Variants in AHNAK observed in about 807,000 individuals in gnomAD.
AHNAK encodes neuroblast differentiation-associated protein AHNAK.
AHNAK carries 23 observed loss-of-function variants against 37.8 expected under a neutral mutation model. The observed-to-expected ratio is 0.61, with a 90% CI of 0.44 to 0.86. The LOEUF is 0.86. Among genes scored for constraint, AHNAK ranks in the 40% least tolerant of loss-of-function variants. AHNAK has a pLI of 0.00. For missense variants in AHNAK, 7,411 were observed against 7,319.4 expected (o/e 1.01, Z -0.46); for synonymous variants, 2,481 against 2,636.3 (o/e 0.94, Z 1.80).
chr11:62,490,200 T>TC (rs1278989564), intron 5 of AHNAK, among the ~76,000 whole-genome samples: 1 of 138,040 alleles, frequency 7.2e-6, no homozygotes, highest in Non-Finnish European at 1.6e-5. Flanking sequence ...TCTTTTTCTT[T>TC]TTTTTTTTTT....
chr11:62,496,681 G>C (rs1217803453), intron 4 of AHNAK, among the ~76,000 whole-genome samples: 1 of 152,090 alleles, frequency 6.6e-6, no homozygotes, highest in Non-Finnish European at 1.5e-5. Context: ...TGTAGTCCCA[G>C]CTACTCGGTA....
At position 62,522,297 on chromosome 11, in the gene AHNAK, G is replaced by A. The variant is rs750267766; in HGVS notation, c.12120C>T (p.Pro4040=). Residue 4040 remains proline (P), a synonymous_variant, in exon 5 of 5, where the codon CCC becomes CCT. Coordinates refer to ENST00000378024, the MANE Select transcript of AHNAK (RefSeq NM_001620.3). ...CATCTGGGGCATCAATGTCCACTTT[G>A]GGGCCCTTGATGTCAACTTCAGGGG... ...LKAPEVDIKG[P]KVDIDAPDVD... is the part of the protein sequence containing the mutation. 1 of 1,613,334 alleles carries A rather than the reference G, an allele frequency of 6.2e-7. No individual in the cohort carries two copies. Among genetic ancestry groups the A allele is most frequent in the South Asian group, 1.1e-5 (1 of 91,022 alleles).
Position 62,518,402 on chromosome 11 carries a change from G to C in AHNAK, c.16015C>G (p.Gln5339Glu). 2 of 1,614,050 alleles carry C rather than the reference G, an allele frequency of 1.2e-6. 1 individual carries two copies. The highest frequency in any genetic ancestry group is 3.3e-4 in the Middle Eastern group (2 of 6,062). Residue 5339 changes from glutamine to glutamate, a missense_variant, in exon 5 of 5, where the codon CAG (glutamine) becomes GAG (glutamate). Coordinates refer to ENST00000378024, the MANE Select transcript of AHNAK (RefSeq NM_001620.3). The stretch of plus-strand genomic sequence containing the variant: ...ACTTTCACACCGTCTCCTCCCACCT[G>C]CATTTTGCCACCGACACCACTGAGG... ...LNLSGVGGKMQVGGDGVKVPG... is the reference protein window; with the variant it reads ...LNLSGVGGKMEVGGDGVKVPG...
intron 1 of AHNAK, among the ~76,000 whole-genome samples, chr11:62,538,854 T>G (rs999185420): frequency 2.6e-5 from 4 of 152,190 alleles, no homozygotes; most frequent in African/African-American, 9.7e-5. Flanking sequence ...GTCTTGAAGG[T>G]GCTACAGGTG....
At chr11:62,546,270 G>C (rs1941309382) in intron 1 of AHNAK, among the ~76,000 whole-genome samples, 1 of 152,162 alleles carries the variant, frequency 6.6e-6, no homozygotes, top group African/African-American at 2.4e-5. Flanking sequence ...TTCCCCTCCA[G>C]TAAACATGGG....
intron 5 of AHNAK, among the ~76,000 whole-genome samples, chr11:62,461,114 C>T (rs1213260741): frequency 7.2e-6 from 1 of 139,782 alleles, no homozygotes; most frequent in African/African-American, 2.6e-5. Flanking sequence ...GGATTACAGG[C>T]GTGGGCCACC....
intron 4 of AHNAK, among the ~76,000 whole-genome samples, chr11:62,501,124 A>C (rs1939703954): frequency 6.6e-6 from 1 of 151,626 alleles, no homozygotes; most frequent in Admixed American, 6.6e-5. Flanking sequence ...AGGTGGGAGG[A>C]TTTCTTGAGC....
chr11:62,435,449 T>C (rs56032113), intron 5 of AHNAK, among the ~76,000 whole-genome samples: 23,363 of 152,040 alleles, frequency 0.15, 2,121 homozygotes, highest in Middle Eastern at 0.23. Flanking sequence ...GTCTCGCTGT[T>C]GCCCAGGCTG....
Position 62,517,643 on chromosome 11 carries a change from C to T in AHNAK, c.16774G>A (p.Gly5592Ser), listed in dbSNP as rs138088837. The change falls in exon 5 of 5, where the codon GGT (glycine) becomes AGT (serine). Residue 5592 changes from glycine (G) to serine (S), a missense_variant. Coordinates refer to ENST00000378024, the MANE Select transcript of AHNAK (RefSeq NM_001620.3). ...SLGEGHLSVK[G>S]SGGEWKGPQV... ...GGTCCCTTCCACTCACCCCCGGAACCTTTAACACTCAAATGCCCTTCACCA... is the reference window on the plus strand; with the variant it reads ...GGTCCCTTCCACTCACCCCCGGAACTTTTAACACTCAAATGCCCTTCACCA... The T allele has an allele frequency of 6.2e-5, 100 of 1,614,044 alleles. No homozygotes were observed. The highest frequency in any genetic ancestry group is 3.3e-4 in the African/African-American group (25 of 74,918).
intron 5 of AHNAK, among the ~76,000 whole-genome samples, chr11:62,468,977 A>G (rs1938974874): frequency 6.6e-6 from 1 of 152,198 alleles, no homozygotes; most frequent in Non-Finnish European, 1.5e-5. Context: ...AGAACTGCAA[A>G]TAACAGCCAA....
chr11:62,524,632 A>G lies in AHNAK; in HGVS notation c.9785T>C (p.Val3262Ala). 12 of 1,614,204 alleles carry G rather than the reference A, an allele frequency of 7.4e-6. No homozygotes were observed. Among genetic ancestry groups the G allele is most frequent in the Non-Finnish European group, 1.0e-5 (12 of 1,180,044 alleles). ...ATGAATGTCAATATCTGGAGCATCT[A>G]CATCTATCTTTGGGCCTTTTATGTC... ...ALDIKGPKID[V>A]DAPDIDIHGP... Residue 3262 changes from valine (V) to alanine (A), a missense_variant, in exon 5 of 5, where the codon GTA becomes GCA. Transcript: ENST00000378024.
rs1441278909 is a variant in AHNAK at position 62,522,439 on chromosome 11, T to C, written c.11978A>G (p.Glu3993Gly). The C allele has an allele frequency of 1.2e-6, 2 of 1,613,896 alleles. No homozygotes were observed. The highest frequency in any genetic ancestry group is 1.7e-5 in the Admixed American group (1 of 59,974). ...GATCTTGGGGGCTTTGATGTTCATC[T>C]CTGGCATCTTGAATTTAGGGCCCTT... ...KLKGPKFKMP[E>G]MNIKAPKISM... Residue 3993 changes from glutamate (E) to glycine (G), a missense_variant, in exon 5 of 5, where the codon GAG becomes GGG. Physicochemically the swap from Glu to Gly is moderately conservative, Grantham distance 98. Transcript: ENST00000378024.
chr11:62,450,151 T>C (rs1938505556), intron 5 of AHNAK, among the ~76,000 whole-genome samples: 1 of 150,392 alleles, frequency 6.6e-6, no homozygotes, highest in African/African-American at 2.4e-5. Flanking sequence ...TTATTTTATT[T>C]ATTTACTTTA....
intron 5 of AHNAK, among the ~76,000 whole-genome samples, chr11:62,435,215 G>GC (rs921382484): frequency 6.6e-6 from 1 of 152,052 alleles, no homozygotes; most frequent in Non-Finnish European, 1.5e-5. Context: ...AGTTCAAAAT[G>GC]CCCCCCTTTC....
At position 62,516,944 on chromosome 11, in the gene AHNAK, A is replaced by G. The variant is rs369342643; in HGVS notation, c.17473T>C (p.Phe5825Leu). The G allele has an allele frequency of 6.2e-7, 1 of 1,613,964 alleles. No homozygotes were observed. The highest frequency in any genetic ancestry group is 1.3e-5 in the African/African-American group (1 of 74,872). Residue 5825 changes from phenylalanine to leucine, a missense_variant, in exon 5 of 5, where the codon TTT (phenylalanine) becomes CTT (leucine). Transcript: ENST00000378024. ...TTGCTCTTTGACCCCAATCCACCAA[A>G]GGTACCGAATTTCAGCTTCCCGTGT... ...GKHGKLKFGT[F>L]GGLGSKSKGH...
chr11:62,438,252 C>T (rs1350904376), intron 5 of AHNAK, among the ~76,000 whole-genome samples: 2 of 89,316 alleles, frequency 2.2e-5, no homozygotes, highest in South Asian at 4.7e-4. Flanking sequence ...GGTGTGATCT[C>T]GGCTCACTGC....
In AHNAK at chr11:62,527,987, C is replaced by T. The variant is rs1382791827; in HGVS notation, c.6430G>A (p.Gly2144Arg). 6.2e-7 allele frequency: 1 copy of T among 1,613,796 alleles called. No individual in the cohort carries two copies. The highest frequency in any genetic ancestry group is 8.5e-7 in the Non-Finnish European group (1 of 1,179,918). Residue 2144 changes from glycine (G) to arginine (R), a missense_variant, in exon 5 of 5, where the codon GGA (glycine) becomes AGA (arginine). Gly to Arg is a moderately radical substitution (Grantham distance 125, BLOSUM62 -2). Coordinates refer to ENST00000378024, the MANE Select transcript of AHNAK (RefSeq NM_001620.3). ...DVDVSLPKLE[G>R]DLTGPSVDVE... ...TCCACACTGGGGCCTGTTAAATCTC[C>T]CTCCAATTTTGGCAAAGACACATCC... is the stretch of plus-strand genomic sequence containing the variant.
At position 62,526,000 on chromosome 11, in the gene AHNAK, C is replaced by T. The variant is rs76672664; in HGVS notation, c.8417G>A (p.Cys2806Tyr). The change falls in exon 5 of 5, where the codon TGT (cysteine) becomes TAT (tyrosine). Residue 2806 changes from cysteine (C) to tyrosine (Y), a missense_variant. Transcript: ENST00000378024. Reference protein sequence around the residue: ...DVSGPKVDVECPDVNIEGPEG... With the variant: ...DVSGPKVDVEYPDVNIEGPEG... ...AGGTCCTTCGATATTCACATCGGGACATTCAACATCCACTTTCGGTCCTGA... is the reference window on the plus strand; with the variant it reads ...AGGTCCTTCGATATTCACATCGGGATATTCAACATCCACTTTCGGTCCTGA... 1.5e-3 allele frequency: 2,498 copies of T among 1,613,916 alleles called. 43 individuals are homozygous for T. The African/African-American group carries it at 0.03, about 19-fold the overall frequency.
At chr11:62,491,659 G>T in intron 5 of AHNAK, 1 of 1,408,158 alleles carries the variant, frequency 7.1e-7, no homozygotes, top group Non-Finnish European at 9.8e-7. Flanking sequence ...AGGCAGGCAT[G>T]CCCATCTGTG....
Sources: gnomAD v4.1 joint callset for allele counts (sites outside exome capture counted in the v4.1 genomes callset) on GRCh38, gnomAD v4.1.1 for gene constraint, MANE v1.5 for transcripts, NCBI Gene and HGNC (gene_info 2026-07-23, HGNC 2026-07-21) for gene names.